ABCB8: variants seen among roughly 807,000 people sequenced by gnomAD.
ABCB8 encodes ATP binding cassette subfamily B member 8, also known as mitochondrial potassium channel ATP-binding subunit.
A neutral mutation model predicts 73.0 loss-of-function variants in ABCB8; 52 were observed. The ratio of observed to expected loss-of-function variants is 0.71; its 90% CI spans 0.57 to 0.90. The LOEUF is 0.90. ABCB8 is among the 40% of genes least tolerant of loss of function. The pLI is 0.00. For synonymous variants in ABCB8, 428 were observed against 423.5 expected (o/e 1.01, Z -0.13); for missense variants, 909 against 974.6 (o/e 0.93, Z 0.90).
chr7:151,039,080 C>G (rs1256428853), intron 9 of ABCB8: 1 of 152,266 alleles, frequency 6.6e-6, no homozygotes, highest in African/African-American at 2.4e-5. Flanking sequence ...GAATCAGGGC[C>G]AGGCTCCACC....
Position 151,041,226 on chromosome 7 carries a change from C to T in ABCB8, c.1611C>T (p.Ile537=). 1.2e-6 allele frequency: 2 copies of T among 1,600,508 alleles called. No homozygotes were observed. Among genetic ancestry groups the T allele is most frequent in the Middle Eastern group, 1.7e-4 (1 of 6,030 alleles). ...TCCGGGGCCAGGTTGTCGGCTTCAT[C>T]AGCCAGGTGCGGGGCCACATGGGCA... The part of the protein sequence containing the change: ...SWLRGQVVGF[I]SQEPVLFGTT... Residue 537 remains isoleucine, a synonymous_variant, in exon 13 of 16, where the codon ATC becomes ATT. Coordinates refer to ENST00000358849, the MANE Select transcript of ABCB8 (RefSeq NM_007188.5).
At chr7:151,034,024 G>A in intron 2 of ABCB8, 107 bp downstream of exon 2, 1 of 1,373,420 alleles carries the variant, frequency 7.3e-7, no homozygotes, top group Non-Finnish European at 9.7e-7. Flanking sequence ...CAGGGGAGCA[G>A]CAAGGGCTAG....
intron 1 of ABCB8, 72 bp from the exon 2 acceptor site, chr7:151,033,533 G>A (rs1489378456): frequency 6.6e-7 from 1 of 1,507,752 alleles, no homozygotes; most frequent in Non-Finnish European, 8.9e-7. Flanking sequence ...CTCAGCCAGA[G>A]CCCCATGGGT....
chr7:151,045,540 G>T lies in ABCB8; in HGVS notation c.*191G>T, dbSNP rs569317733. ...GGCCAATCCCTCCCTCCCCTCCCCA[G>T]TCCTGCCGGCTGCCTCCCTCCCACC... On this transcript the variant is annotated 3_prime_UTR_variant, in exon 16 of 16. Coordinates refer to ENST00000358849, the MANE Select transcript of ABCB8 (RefSeq NM_007188.5). 3.7e-5 allele frequency: 24 copies of T among 644,402 alleles called. No homozygotes were observed. In the African/African-American group the frequency reaches 4.5e-4, roughly 12 times the overall value. The allele number at this position is 644,402 out of a possible 1,614,324, so 39.9% of individuals were successfully genotyped here. A position where few individuals can be genotyped will look rare whatever the true frequency, so the allele number is the denominator to read the frequency against.
At position 151,047,044 on chromosome 7, in the gene ABCB8, C is replaced by T. The variant is rs1277733346; in HGVS notation, c.*1695C>T. On this transcript the variant is annotated 3_prime_UTR_variant, in exon 16 of 16. Coordinates refer to ENST00000358849, the MANE Select transcript of ABCB8 (RefSeq NM_007188.5). ...CAGAGTAGGGCCTCAGCTGGCAAGT[C>T]CACAAGCCCTGCTGGGGCCCTGCTT... is the stretch of plus-strand genomic sequence containing the variant. 1.3e-5 allele frequency: 2 copies of T among 152,266 alleles called. No individual in the cohort carries two copies. 9.4% of individuals were successfully genotyped at this position (152,266 alleles called of 1,614,324 possible). A position where few individuals can be genotyped will look rare whatever the true frequency, so the allele number is the denominator to read the frequency against.
In ABCB8 at chr7:151,046,767, A is replaced by C. The variant is rs1183095165; in HGVS notation, c.*1418A>C. On this transcript the variant is annotated 3_prime_UTR_variant, in exon 16 of 16. Coordinates refer to ENST00000358849, the MANE Select transcript of ABCB8 (RefSeq NM_007188.5). ...TGATGGAGCAGCTGGTGCTGCTGGG[A>C]GGCCAGCCTGGAAGAGGCAGCAGTG... 1 of 152,344 alleles carries C rather than the reference A, an allele frequency of 6.6e-6. No individual in the cohort carries two copies. The highest frequency in any genetic ancestry group is 1.5e-5 in the Non-Finnish European group (1 of 68,136). The allele number at this position is 152,344 out of a possible 1,614,324, so 9.4% of individuals were successfully genotyped here. A position where few individuals can be genotyped will look rare whatever the true frequency, so the allele number is the denominator to read the frequency against.
intron 10 of ABCB8, 89 bp from the exon 11 acceptor site, chr7:151,040,409 A>AC: frequency 6.3e-7 from 1 of 1,575,040 alleles, no homozygotes. Context: ...AGCTGGGGAG[A>AC]CCCCAGCCCA....
At position 151,032,779 on chromosome 7, in the gene ABCB8, T is replaced by G. The variant is rs925870837; in HGVS notation, c.96-826T>G. ...GGCAGCTGAAGGAAAGAGAAGGTAA[T>G]TGTCCTATTCAAGATGACAAGATAA... is the stretch of plus-strand genomic sequence containing the variant. On this transcript the variant is annotated intron_variant, in intron 1 of 15. Transcript: ENST00000358849. The G allele has an allele frequency of 9.8e-6, 3 of 307,144 alleles. No homozygotes were observed. In the Admixed American group the frequency reaches 1.2e-4, roughly 13 times the overall value. The allele number at this position is 307,144 out of a possible 1,614,324, so 19.0% of individuals were successfully genotyped here.
chr7:151,036,929 G>T (rs558156905), intron 9 of ABCB8: 3 of 720,614 alleles, frequency 4.2e-6, no homozygotes, highest in African/African-American at 3.4e-5. Context: ...TTAAAAATTT[G>T]TTTCAACTGT....
chr7:151,041,065 C>T (rs941997418), intron 12 of ABCB8, 34 bp from the exon 13 acceptor site: 8 of 1,613,556 alleles, frequency 5.0e-6, no homozygotes, highest in Non-Finnish European at 6.8e-6. Context: ...CCCTAGAATC[C>T]CTGGCCTCCC....
At chr7:151,034,635 T>G in intron 4 of ABCB8, 36 bp downstream of exon 4, 1 of 1,613,392 alleles carries the variant, frequency 6.2e-7, no homozygotes, top group Non-Finnish European at 8.5e-7. Context: ...TTGGGGTGAC[T>G]GATGGCCTGA....
At chr7:151,031,160 C>A in intron 1 of ABCB8, 1 of 914,812 alleles carries the variant, frequency 1.1e-6, no homozygotes, top group Non-Finnish European at 1.7e-6. Context: ...ATGTGCTCAA[C>A]AAGCATAAAC....
intron 15 of ABCB8, 136 bp downstream of exon 15, chr7:151,044,357 C>A (rs775305419): frequency 2.6e-5 from 37 of 1,401,366 alleles, no homozygotes; most frequent in Non-Finnish European, 3.1e-5. Context: ...AAGCAGCGTC[C>A]CATATAGAGT....
chr7:151,042,531 C>T (rs973692588), intron 14 of ABCB8, among the ~76,000 whole-genome samples: 6 of 152,330 alleles, frequency 3.9e-5, no homozygotes, highest in East Asian at 1.9e-4. Context: ...CTGTTTCCTT[C>T]CTGTGCTTTT....
chr7:151,038,324 C>T (rs950369296), intron 9 of ABCB8: 2 of 152,020 alleles, frequency 1.3e-5, no homozygotes, highest in Non-Finnish European at 2.9e-5. Context: ...AGATCGAGAC[C>T]ATCCTGGCCA....
At chr7:151,029,966 A>T (rs1356276562) in intron 1 of ABCB8, among the ~76,000 whole-genome samples, 1 of 152,198 alleles carries the variant, frequency 6.6e-6, no homozygotes, top group South Asian at 2.1e-4. Context: ...CTGGGAAGTA[A>T]TCCACATGCT....
At chr7:151,040,975 C>T in intron 12 of ABCB8, 53 bp downstream of exon 12, 1 of 1,603,264 alleles carries the variant, frequency 6.2e-7, no homozygotes, top group Non-Finnish European at 8.5e-7. Flanking sequence ...AGCAGCCACT[C>T]AGAGCAAGGC....
At position 151,034,789 on chromosome 7, in the gene ABCB8, T is replaced by C; in HGVS notation, c.725T>C (p.Val242Ala). Reference sequence around the variant, plus strand: ...CTGGTGAGCCGCTTGACAACTGACGTGCAGGAGTTTAAGTCATCCTTCAAG... The same window carrying C: ...CTGGTGAGCCGCTTGACAACTGACGCGCAGGAGTTTAAGTCATCCTTCAAG... Reference protein sequence around the residue: ...GQLVSRLTTDVQEFKSSFKLV... With the variant: ...GQLVSRLTTDAQEFKSSFKLV... The change falls in exon 5 of 16, where the codon GTG becomes GCG. Residue 242 changes from valine to alanine, a missense_variant. Physicochemically the swap from Val to Ala is moderately conservative, Grantham distance 64 (BLOSUM62 0). Transcript: ENST00000358849. The C allele has an allele frequency of 6.2e-7, 1 of 1,614,110 alleles. No individual in the cohort carries two copies. The highest frequency in any genetic ancestry group is 2.2e-5 in the East Asian group (1 of 44,882).
intron 1 of ABCB8, 57 bp from the exon 2 acceptor site, chr7:151,033,548 T>C: frequency 6.6e-7 from 1 of 1,514,242 alleles, no homozygotes; most frequent in Non-Finnish European, 8.8e-7. Flanking sequence ...ATGGGTGTGC[T>C]GGTCAGCAGG....
Sources: allele counts gnomAD v4.1 joint callset (sites outside exome capture counted in the v4.1 genomes callset), GRCh38; gene constraint gnomAD v4.1.1; transcripts MANE v1.5; gene names NCBI Gene and HGNC (gene_info 2026-07-23, HGNC 2026-07-21).